Variants in KDM6B observed in about 807,000 individuals in gnomAD.
KDM6B encodes lysine demethylase 6B.
Under a neutral mutation model 150.4 loss-of-function variants are expected in KDM6B, and 22 were observed. The ratio of observed to expected loss-of-function variants is 0.15; its 90% CI spans 0.10 to 0.21. The LOEUF (loss-of-function observed/expected upper bound fraction) is 0.21, where lower values mean the gene tolerates loss of function less well. Among genes scored for constraint, KDM6B ranks in the 10% least tolerant of loss-of-function variants. The pLI, the probability that KDM6B is intolerant of heterozygous loss-of-function variation, is 1.00. For missense variants in KDM6B, 1,984 were observed against 2,234.3 expected, an observed-to-expected ratio of 0.89 and a Z score of 2.26; for synonymous variants, 1,148 against 921.1, an observed-to-expected ratio of 1.25 and a Z score of -4.46.
At chr17:7,852,102 C>G in intron 19 of KDM6B, 37 bp downstream of exon 19, 1 of 1,613,630 alleles carries the variant, frequency 6.2e-7, no homozygotes, top group Non-Finnish European at 8.5e-7. Context: ...CTGCCGCGTC[C>G]CCGCCCTCGG....
chr17:7,837,928 G>T (rs887216503), intron 1 of KDM6B, among the ~76,000 whole-genome samples: 4 of 151,890 alleles, frequency 2.6e-5, no homozygotes, highest in African/African-American at 9.7e-5. Context: ...AGGGGGCTGG[G>T]GATTAGCTTC....
In KDM6B at chr17:7,847,392, CAGCAGCAGT is replaced by C; in HGVS notation, c.1206_1214del (p.Ser404_Ser406del). The stretch of plus-strand genomic sequence containing the variant: ...CTGGCCTCCCCGGCACCACCACCAG[CAGCAGCAGT>C]AGCAGCAGCAGCAACACTGGTCTCC... On this transcript the variant is annotated inframe_deletion, in exon 11 of 24. Transcript: ENST00000448097. The C allele has an allele frequency of 6.2e-7, 1 of 1,613,496 alleles. No individual in the cohort carries two copies. The highest frequency in any genetic ancestry group is 8.5e-7 in the Non-Finnish European group (1 of 1,179,962).
In KDM6B at chr17:7,834,336, C is replaced by G. The variant is rs1359181712; in HGVS notation, c.-402C>G. On this transcript the variant is annotated 5_prime_UTR_variant, in exon 1 of 24. Transcript: ENST00000448097. ...CTTGGGGAGCCTGAACACCTGGGAC[C>G]CCCCCCAGAACCAGGTAACGGGGAG... is the stretch of plus-strand genomic sequence containing the variant. Among the ~76,000 whole-genome samples, 1 of 151,840 alleles carries G rather than the reference C, an allele frequency of 6.6e-6. No homozygotes were observed. The highest frequency in any genetic ancestry group is 6.5e-5 in the Admixed American group (1 of 15,274).
chr17:7,846,692 G>A lies in KDM6B; in HGVS notation c.663G>A (p.Glu221=), dbSNP rs79548905. The A allele has an allele frequency of 1.2e-6, 2 of 1,614,014 alleles. No homozygotes were observed. The highest frequency in any genetic ancestry group is 1.3e-5 in the African/African-American group (1 of 74,912). The change falls in exon 9 of 24, where the codon GAG becomes GAA. Residue 221 remains glutamate (E), a synonymous_variant. Coordinates refer to ENST00000448097, the MANE Select transcript of KDM6B (RefSeq NM_001348716.2). ...CACTCTCAGGCCCCTCAGGGGAGGA[G>A]GGCCTCAGCCCTGGAGGCAAGCGAA... ...PAALSGPSGE[E]GLSPGGKRRR...
rs2078502980 is a variant in KDM6B, at chr17:7,845,033, T to C, written c.-149+13T>C. On this transcript the variant is annotated intron_variant, in intron 3 of 23. Transcript: ENST00000448097. The stretch of plus-strand genomic sequence containing the variant: ...CCACGGAGGCCGGGTAAGCGGCCGC[T>C]GCGTTTTGGGTCGGCCCAGTGGCTC... The C allele has an allele frequency of 5.3e-5, 10 of 188,002 alleles. No homozygotes were observed. Among genetic ancestry groups the C allele is most frequent in the South Asian group, 2.7e-4 (3 of 11,112 alleles). 11.6% of individuals were successfully genotyped at this position (188,002 alleles called of 1,614,324 possible).
chr17:7,842,784 T>G (rs983515745), intron 2 of KDM6B, among the ~76,000 whole-genome samples: 1 of 125,004 alleles, frequency 8.0e-6, no homozygotes, highest in Admixed American at 9.5e-5. Context: ...GCTGAGTCAG[T>G]GGGAAGAGGG....
chr17:7,848,497 C>A lies in KDM6B; in HGVS notation c.2209C>A (p.Pro737Thr), dbSNP rs369558605. 4 of 1,612,018 alleles carry A rather than the reference C, an allele frequency of 2.5e-6. No individual in the cohort carries two copies. The South Asian group carries it at 3.3e-5, about 13-fold the overall frequency. ...CTTTGCATCTCTGCAGTCTCCTTTC[C>A]CCACCGACACAGCCCCCACCACTAC... Reference protein sequence around the residue: ...EPFASLQSPFPTDTAPTTTAP... With the variant: ...EPFASLQSPFTTDTAPTTTAP... Residue 737 changes from proline (P) to threonine (T), a missense_variant, in exon 12 of 24, where the codon CCC (proline) becomes ACC (threonine). Physicochemically the swap from Pro to Thr is conservative, Grantham distance 38 (BLOSUM62 -1). Coordinates refer to ENST00000448097, the MANE Select transcript of KDM6B (RefSeq NM_001348716.2).
rs752537930 is a variant in KDM6B, at chr17:7,848,688, G to A, written c.2400G>A (p.Pro800=). ...CACCACCACCCCCACCCCCCAGCCCGGCCAGCCTGCTCAAATCCTTGGCCT... is the reference window on the plus strand; with the variant it reads ...CACCACCACCCCCACCCCCCAGCCCAGCCAGCCTGCTCAAATCCTTGGCCT... ...PQPPPPPPPS[P]ASLLKSLASV... The change falls in exon 12 of 24, where the codon CCG becomes CCA. Residue 800 remains proline (P), a synonymous_variant. Transcript: ENST00000448097. The A allele has an allele frequency of 1.5e-5, 24 of 1,611,080 alleles. No individual in the cohort carries two copies. Among genetic ancestry groups the A allele is most frequent in the Middle Eastern group, 1.8e-4 (1 of 5,530 alleles).
At position 7,846,637 on chromosome 17, in the gene KDM6B, C is replaced by T. The variant is rs951759379; in HGVS notation, c.608C>T (p.Pro203Leu). 4 of 1,614,108 alleles carry T rather than the reference C, an allele frequency of 2.5e-6. No homozygotes were observed. The highest frequency in any genetic ancestry group is 3.4e-6 in the Non-Finnish European group (4 of 1,179,998). The change falls in exon 9 of 24, where the codon CCC (proline) becomes CTC (leucine). Residue 203 changes from proline to leucine, a missense_variant. Physicochemically the swap from Pro to Leu is moderately conservative, Grantham distance 98. This residue lies in a region of KDM6B where 337 missense variants were observed against 323.9 expected (regional missense o/e 1.04). Coordinates refer to ENST00000448097, the MANE Select transcript of KDM6B (RefSeq NM_001348716.2). ...GGPPVKRAAE[P>L]PVVQPVPPAA... is the part of the protein sequence containing the mutation. The stretch of plus-strand genomic sequence containing the variant: ...CCCCCGGTGAAGCGAGCTGCTGAAC[C>T]CCCAGTGGTGCAGCCTGTGCCTCCT...
In KDM6B at chr17:7,854,621, GT is replaced by G. The variant is rs2078774655; in HGVS notation, c.*1102del. ...TTCTCTGGGGCTTTATTTTCGTTTT[GT>G]TGGTTGTTTTTTCTCCACGCTGGGG... On this transcript the variant is annotated 3_prime_UTR_variant, in exon 24 of 24. Transcript: ENST00000448097. The G allele has an allele frequency of 6.5e-6, 1 of 154,446 alleles. No homozygotes were observed. The highest frequency in any genetic ancestry group is 2.4e-5 in the African/African-American group (1 of 41,416). 9.6% of individuals were successfully genotyped at this position (154,446 alleles called of 1,614,324 possible). A position where few individuals can be genotyped will look rare whatever the true frequency, so the allele number is the denominator to read the frequency against.
Position 7,853,198 on chromosome 17 carries a change from T to C in KDM6B, c.4738-12T>C. 2.5e-6 allele frequency: 4 copies of C among 1,613,524 alleles called. No individual in the cohort carries two copies. Among genetic ancestry groups the C allele is most frequent in the Non-Finnish European group, 3.4e-6 (4 of 1,179,814 alleles). The stretch of plus-strand genomic sequence containing the variant: ...CTCCCTCCCCCTGACTGCACTGTCC[T>C]CCCTGCCCCAGGTGGAGGTGTTTAA... On this transcript the variant is annotated splice_polypyrimidine_tract_variant and intron_variant, in intron 22 of 23. Transcript: ENST00000448097.
intron 22 of KDM6B, 39 bp downstream of exon 22, chr17:7,853,165 C>T (rs2078736820): frequency 6.2e-7 from 1 of 1,614,034 alleles, no homozygotes; most frequent in Non-Finnish European, 8.5e-7. Flanking sequence ...TGAGTGTCCA[C>T]AGTGGCCCTC....
Position 7,851,499 on chromosome 17 carries a change from C to A in KDM6B, c.3966C>A (p.Asn1322Lys), listed in dbSNP as rs2151379303. The A allele has an allele frequency of 6.2e-7, 1 of 1,614,202 alleles. No homozygotes were observed. The highest frequency in any genetic ancestry group is 8.5e-7 in the Non-Finnish European group (1 of 1,180,040). Reference protein sequence around the residue: ...TPPSSAPDPKNHHIIKFGTNI... With the variant: ...TPPSSAPDPKKHHIIKFGTNI... The stretch of plus-strand genomic sequence containing the variant: ...GCAGCAGCGCACCAGACCCGAAGAA[C>A]CATCACATCATCAAGTTTGGCACCA... The change falls in exon 17 of 24, where the codon AAC (asparagine) becomes AAA (lysine). Residue 1322 changes from asparagine (N) to lysine (K), a missense_variant. By Grantham distance (94) the Asn-to-Lys change is moderately conservative (BLOSUM62 0). Transcript: ENST00000448097.
intron 14 of KDM6B, 21 bp from the exon 15 acceptor site, chr17:7,851,000 C>G (rs1326258349): frequency 1.3e-6 from 2 of 1,578,986 alleles, no homozygotes; most frequent in Admixed American, 1.8e-5. Context: ...CCCCGACACC[C>G]TGCTCGGCCC....
In KDM6B at chr17:7,849,486, A is replaced by G. The variant is rs767372098; in HGVS notation, c.3198A>G (p.Ser1066=). ...CTTCTGCCCAGCCCACACCCCCGTC[A>G]GCCTCTGTCCCTGGAAAGAAGGCTC... ...PAPSAQPTPP[S]ASVPGKKARE... is the part of the protein sequence containing the mutation. Residue 1066 remains serine, a synonymous_variant, in exon 12 of 24, where the codon TCA becomes TCG. Coordinates refer to ENST00000448097, the MANE Select transcript of KDM6B (RefSeq NM_001348716.2). The G allele has an allele frequency of 4.3e-6, 7 of 1,612,676 alleles. No homozygotes were observed. The East Asian group carries it at 6.7e-5, about 15-fold the overall frequency.
chr17:7,837,814 T>C (rs1290685730), intron 1 of KDM6B, among the ~76,000 whole-genome samples: 1 of 152,170 alleles, frequency 6.6e-6, no homozygotes, highest in African/African-American at 2.4e-5. Context: ...TGGTGTTAGT[T>C]ACTAGTTTAT....
chr17:7,852,099 G>T, intron 19 of KDM6B, 34 bp downstream of exon 19: 1 of 1,613,554 alleles, frequency 6.2e-7, no homozygotes, highest in South Asian at 1.1e-5. Context: ...AGACTGCCGC[G>T]TCCCCGCCCT....
chr17:7,836,284 C>T (rs2078332293), intron 1 of KDM6B, among the ~76,000 whole-genome samples: 2 of 152,246 alleles, frequency 1.3e-5, no homozygotes, highest in African/African-American at 4.8e-5. Context: ...TTCGCCCCGG[C>T]GTTCTTTGCA....
chr17:7,835,508 T>A (rs1036630546), intron 1 of KDM6B, among the ~76,000 whole-genome samples: 1 of 151,748 alleles, frequency 6.6e-6, no homozygotes, highest in Non-Finnish European at 1.5e-5. Flanking sequence ...TCCCCTTCCC[T>A]CCCCTGGGTT....
Sources: gnomAD v4.1 joint callset for allele counts (sites outside exome capture counted in the v4.1 genomes callset) on GRCh38, gnomAD v4.1.1 for gene constraint, gnomAD v4.1.1 regional missense constraint, MANE v1.5 for transcripts, NCBI Gene and HGNC (gene_info 2026-07-23, HGNC 2026-07-21) for gene names.